Variants in STAG1 observed in about 807,000 individuals in gnomAD.
The protein encoded by STAG1 is STAG1 cohesin complex component.
Under a neutral mutation model 170.9 loss-of-function variants are expected in STAG1, and 26 were observed. That is an observed-to-expected ratio of 0.15 (90% CI 0.11 to 0.21). STAG1 has a LOEUF of 0.21. Among genes scored for constraint, STAG1 ranks in the 10% least tolerant of loss-of-function variants. STAG1 has a pLI of 1.00. For synonymous variants in STAG1, 514 were observed against 497.7 expected (o/e 1.03, Z -0.44); for missense variants, 964 against 1,509.5 (o/e 0.64, Z 5.99).
At chr3:136,442,891 T>C (rs2088672574) in intron 15 of STAG1, among the ~76,000 whole-genome samples, 1 of 152,096 alleles carries the variant, frequency 6.6e-6, no homozygotes, top group African/African-American at 2.4e-5. Flanking sequence ...CTGAGTGTGG[T>C]GGCATGTGCC....
intron 1 of STAG1, among the ~76,000 whole-genome samples, chr3:136,634,072 CGGAGGTTGCA>C (rs2107841033): frequency 6.8e-6 from 1 of 147,882 alleles, no homozygotes; most frequent in East Asian, 2.0e-4. Context: ...ACCCAGGAGG[CGGAGGTTGCA>C]GTGAGCCAAG....
intron 1 of STAG1, among the ~76,000 whole-genome samples, chr3:136,740,265 G>A (rs1027209671): frequency 6.6e-5 from 10 of 152,078 alleles, no homozygotes; most frequent in Non-Finnish European, 1.3e-4. Flanking sequence ...GAATTTTAAC[G>A]CAAACACTCC....
intron 1 of STAG1, among the ~76,000 whole-genome samples, chr3:136,734,582 G>A (rs949769482): frequency 6.6e-6 from 1 of 152,124 alleles, no homozygotes; most frequent in Admixed American, 6.5e-5. Context: ...ATTGTTACGT[G>A]GGGCAGCAGG....
chr3:136,690,948 G>A (rs544331068), intron 1 of STAG1, among the ~76,000 whole-genome samples: 2 of 151,110 alleles, frequency 1.3e-5, no homozygotes, highest in Non-Finnish European at 2.9e-5. Flanking sequence ...ATCCAACGGG[G>A]CAATGTTATC....
intron 6 of STAG1, among the ~76,000 whole-genome samples, chr3:136,532,559 C>T (rs1935426609): frequency 1.3e-5 from 2 of 152,040 alleles, no homozygotes; most frequent in African/African-American, 2.4e-5. Context: ...TACAAACTCA[C>T]TAATACACCA....
intron 1 of STAG1, among the ~76,000 whole-genome samples, chr3:136,734,108 C>CAAA (rs11456348): frequency 2.9e-5 from 3 of 101,798 alleles, no homozygotes; most frequent in Non-Finnish European, 4.4e-5. Context: ...GACTCCATCT[C>CAAA]AAAAAAAAAA....
intron 21 of STAG1, among the ~76,000 whole-genome samples, chr3:136,401,543 C>T (rs1342747008): frequency 6.6e-6 from 1 of 152,062 alleles, no homozygotes; most frequent in Non-Finnish European, 1.5e-5. Context: ...TATCAGATTG[C>T]TTAAGTTTGG....
chr3:136,593,419 G>A (rs187311196), intron 4 of STAG1, among the ~76,000 whole-genome samples: 94 of 152,338 alleles, frequency 6.2e-4, no homozygotes, highest in Admixed American at 2.1e-3. Context: ...TCCAGAGGGT[G>A]CTTGGAATAA....
chr3:136,477,039 C>G (rs776837581), intron 10 of STAG1, among the ~76,000 whole-genome samples: 1 of 152,030 alleles, frequency 6.6e-6, no homozygotes, highest in Non-Finnish European at 1.5e-5. Flanking sequence ...TCTCTGAAAA[C>G]TTTATATATA....
At chr3:136,399,537 T>C (rs1158689774) in intron 21 of STAG1, among the ~76,000 whole-genome samples, 1 of 152,224 alleles carries the variant, frequency 6.6e-6, no homozygotes, top group African/African-American at 2.4e-5. Flanking sequence ...TTCAGATTTA[T>C]TGATGTTGCA....
At chr3:136,413,243 A>G (rs1366940303) in intron 21 of STAG1, among the ~76,000 whole-genome samples, 1 of 148,110 alleles carries the variant, frequency 6.8e-6, no homozygotes, top group Non-Finnish European at 1.5e-5. Context: ...AATGTATACT[A>G]TATATAATAT....
chr3:136,435,909 C>A (rs2088447131), intron 15 of STAG1, among the ~76,000 whole-genome samples: 1 of 152,008 alleles, frequency 6.6e-6, no homozygotes, highest in Non-Finnish European at 1.5e-5. Context: ...ACCTCGTGAT[C>A]CACCCGTCTT....
chr3:136,589,237 G>A (rs750265950), intron 4 of STAG1, among the ~76,000 whole-genome samples: 2 of 152,112 alleles, frequency 1.3e-5, no homozygotes, highest in African/African-American at 2.4e-5. Context: ...AGTGGCACAC[G>A]CCTGTAATCC....
chr3:136,695,044 T>C (rs1173035149), intron 1 of STAG1, among the ~76,000 whole-genome samples: 1 of 152,204 alleles, frequency 6.6e-6, no homozygotes, highest in Non-Finnish European at 1.5e-5. Context: ...TTAAATGCAT[T>C]TGGATGCCTG....
intron 12 of STAG1, among the ~76,000 whole-genome samples, chr3:136,466,503 T>G (rs1409553028): frequency 5.9e-5 from 9 of 151,970 alleles, no homozygotes; most frequent in South Asian, 2.1e-4. Context: ...TGGGACTACG[T>G]AAAAAGACCA....
intron 16 of STAG1, among the ~76,000 whole-genome samples, chr3:136,428,810 T>G (rs1489205553): frequency 6.6e-6 from 1 of 152,086 alleles, no homozygotes; most frequent in African/African-American, 2.4e-5. Flanking sequence ...ATGAAAGACT[T>G]CAACATATAG....
intron 1 of STAG1, among the ~76,000 whole-genome samples, chr3:136,632,232 C>T (rs908180382): frequency 1.3e-5 from 2 of 152,178 alleles, no homozygotes; most frequent in Non-Finnish European, 2.9e-5. Context: ...GAATAAGCCT[C>T]TCCAGTGAAA....
chr3:136,495,923 C>G (rs573165900), intron 9 of STAG1, among the ~76,000 whole-genome samples: 4 of 148,202 alleles, frequency 2.7e-5, no homozygotes, highest in African/African-American at 7.5e-5. Context: ...GAGCAGAGAC[C>G]GTGCACCACT....
At chr3:136,674,158 G>GGAGAGAGGGAGA (rs1273124993) in intron 1 of STAG1, among the ~76,000 whole-genome samples, 1 of 36,896 alleles carries the variant, frequency 2.7e-5, no homozygotes, top group Non-Finnish European at 5.3e-5. Flanking sequence ...AGGGAGAGAG[G>GGAGAGAGGGAGA]GAGGGAGGGA....
Sources: gnomAD v4.1 joint callset for allele counts (sites outside exome capture counted in the v4.1 genomes callset) on GRCh38, gnomAD v4.1.1 for gene constraint, MANE v1.5 for transcripts, NCBI Gene and HGNC (gene_info 2026-07-23, HGNC 2026-07-21) for gene names.